PRKCI: variants seen among roughly 807,000 people sequenced by gnomAD.
The protein encoded by PRKCI is protein kinase C iota, also known as protein kinase C iota type.
A neutral mutation model predicts 84.0 loss-of-function variants in PRKCI; 43 were observed. The observed-to-expected ratio is 0.51, with a 90% CI of 0.40 to 0.66. The LOEUF (loss-of-function observed/expected upper bound fraction) is 0.66. PRKCI is among the 30% of genes least tolerant of loss of function. PRKCI has a pLI of 0.00. For synonymous variants in PRKCI, 216 were observed against 234.4 expected, an observed-to-expected ratio of 0.92 and a Z score of 0.72; for missense variants, 459 against 745.6, an observed-to-expected ratio of 0.62 and a Z score of 4.48.
intron 15 of PRKCI, 136 bp from the exon 16 acceptor site, chr3:170,297,163 GTACTT>G (rs1734704537): frequency 1.1e-5 from 7 of 645,944 alleles, no homozygotes; most frequent in Admixed American, 5.8e-5. Flanking sequence ...TTCTGGAGTT[GTACTT>G]TCTAGAAATA....
chr3:170,270,974 C>T (rs945467676), intron 6 of PRKCI, among the ~76,000 whole-genome samples: 7 of 151,430 alleles, frequency 4.6e-5, no homozygotes, highest in Admixed American at 2.0e-4. Flanking sequence ...AGATTACTGG[C>T]GAGGAAAGCA....
chr3:170,249,611 A>AGACGCTGTTTCTACAAAAAAAGAAAG (rs1428945062), intron 2 of PRKCI, among the ~76,000 whole-genome samples: 4 of 151,984 alleles, frequency 2.6e-5, no homozygotes, highest in African/African-American at 9.7e-5. Context: ...CAACATAGGG[A>AGACGCTGTTTCTACAAAAAAAGAAAG]GACGCTGTTT....
At chr3:170,232,005 C>T (rs929155630) in intron 1 of PRKCI, among the ~76,000 whole-genome samples, 4 of 151,670 alleles carry the variant, frequency 2.6e-5, no homozygotes, top group Non-Finnish European at 4.4e-5. Flanking sequence ...AAAAAAAACT[C>T]AACTGAAAAA....
At chr3:170,265,620 C>CT (rs111545487) in intron 4 of PRKCI, among the ~76,000 whole-genome samples, 5,012 of 142,326 alleles carry the variant, frequency 0.035, 128 homozygotes, top group African/African-American at 0.068. Context: ...CTTTCTTTTT[C>CT]TTTTTTTTTT....
intron 12 of PRKCI, among the ~76,000 whole-genome samples, chr3:170,284,919 A>T (rs1289557692): frequency 2.6e-5 from 4 of 152,200 alleles, no homozygotes; most frequent in Admixed American, 2.6e-4. Flanking sequence ...TTTGCATATG[A>T]CCTTCCAATT....
At chr3:170,223,673 TGACCATAAAGGTTGGA>T (rs1280612983) in intron 1 of PRKCI, among the ~76,000 whole-genome samples, 1 of 152,192 alleles carries the variant, frequency 6.6e-6, no homozygotes, top group African/African-American at 2.4e-5. Flanking sequence ...AATGTTAGTG[TGACCATAAAGGTTGGA>T]GACTGAGAAG....
At chr3:170,233,078 TG>T (rs1166764878) in intron 1 of PRKCI, among the ~76,000 whole-genome samples, 2 of 151,916 alleles carry the variant, frequency 1.3e-5, no homozygotes, top group African/African-American at 4.8e-5. Context: ...CAAAACATTT[TG>T]CCCAATGGTC....
Position 170,297,342 on chromosome 3 carries a change from A to T in PRKCI, c.1536A>T (p.Gly512=), listed in dbSNP as rs1214329019. ...KERLGCHPQT[G]FADIQGHPFF... is the part of the protein sequence containing the mutation. ...GATTGGGTTGTCATCCTCAAACAGG[A>T]TTTGCTGATATTCAGGGACACCCGT... Residue 512 remains glycine (G), a synonymous_variant, in exon 16 of 18, where the codon GGA becomes GGT. Coordinates refer to ENST00000295797, the MANE Select transcript of PRKCI (RefSeq NM_002740.6). 1.2e-6 allele frequency: 2 copies of T among 1,613,758 alleles called. No individual in the cohort carries two copies. Among genetic ancestry groups the T allele is most frequent in the Non-Finnish European group, 1.7e-6 (2 of 1,179,876 alleles).
chr3:170,292,817 G>A (rs546549089), intron 13 of PRKCI, among the ~76,000 whole-genome samples: 74 of 152,012 alleles, frequency 4.9e-4, no homozygotes, highest in African/African-American at 1.6e-3. Flanking sequence ...CGAGGCAGGC[G>A]GATCACGAGG....
chr3:170,285,504 TACA>T (rs1393086651), intron 12 of PRKCI, among the ~76,000 whole-genome samples: 1 of 152,218 alleles, frequency 6.6e-6, no homozygotes, highest in African/African-American at 2.4e-5. Context: ...CACATAGCAA[TACA>T]ACAACCAGTA....
intron 11 of PRKCI, 33 bp from the exon 12 acceptor site, chr3:170,284,428 G>A: frequency 6.7e-7 from 1 of 1,489,260 alleles, no homozygotes; most frequent in South Asian, 1.2e-5. Flanking sequence ...AAATATGGTT[G>A]AATCAAATGA....
At chr3:170,292,070 T>A in intron 13 of PRKCI, 129 bp downstream of exon 13, 1 of 707,136 alleles carries the variant, frequency 1.4e-6, no homozygotes, top group Admixed American at 2.4e-5. Context: ...TTGATCCTGT[T>A]AAAAACTACA....
In PRKCI at chr3:170,305,063, C is replaced by T. The variant is rs1250611792; in HGVS notation, c.*1936C>T. ...TGTTTATTTAATATGTTTCTCTTAACACCTGAAACTTGTTTTAAAACAAAA... is the reference window on the plus strand; with the variant it reads ...TGTTTATTTAATATGTTTCTCTTAATACCTGAAACTTGTTTTAAAACAAAA... On this transcript the variant is annotated 3_prime_UTR_variant, in exon 18 of 18. Transcript: ENST00000295797. 6.6e-6 allele frequency: 1 copy of T among 152,234 alleles called. No individual in the cohort carries two copies. Among genetic ancestry groups the T allele is most frequent in the Non-Finnish European group, 1.5e-5 (1 of 68,026 alleles). The allele number at this position is 152,234 out of a possible 1,614,324, so 9.4% of individuals were successfully genotyped here. A position where few individuals can be genotyped will look rare whatever the true frequency, so the allele number is the denominator to read the frequency against.
intron 7 of PRKCI, 94 bp downstream of exon 7, chr3:170,273,434 T>C: frequency 1.7e-6 from 2 of 1,174,480 alleles, no homozygotes; most frequent in East Asian, 4.7e-5. Flanking sequence ...TAAAAACATT[T>C]ACTTCTTCCC....
intron 2 of PRKCI, among the ~76,000 whole-genome samples, chr3:170,255,234 A>G (rs1437782026): frequency 6.6e-6 from 1 of 151,400 alleles, no homozygotes; most frequent in African/African-American, 2.4e-5. Flanking sequence ...CTAATTTTGT[A>G]TTTTTAGTGG....
At chr3:170,256,922 A>G (rs918201440) in intron 2 of PRKCI, among the ~76,000 whole-genome samples, 3 of 151,460 alleles carry the variant, frequency 2.0e-5, no homozygotes, top group East Asian at 1.9e-4. Flanking sequence ...TTAATTTTGT[A>G]TTGACCCCCT....
intron 2 of PRKCI, among the ~76,000 whole-genome samples, chr3:170,245,382 C>G (rs759522745): frequency 6.6e-6 from 1 of 151,984 alleles, no homozygotes; most frequent in Non-Finnish European, 1.5e-5. Flanking sequence ...GTAGGACGCT[C>G]GATTGGTCTC....
chr3:170,286,174 G>A (rs960239551), intron 12 of PRKCI, among the ~76,000 whole-genome samples: 13 of 151,844 alleles, frequency 8.6e-5, no homozygotes, highest in African/African-American at 2.9e-4. Context: ...TGATCCACCC[G>A]CCTCAGCCTC....
intron 2 of PRKCI, among the ~76,000 whole-genome samples, chr3:170,239,884 A>G (rs936458000): frequency 6.6e-6 from 1 of 152,152 alleles, no homozygotes; most frequent in African/African-American, 2.4e-5. Flanking sequence ...GCGGTGGCTC[A>G]TGCTTGTAAT....
Sources: allele counts gnomAD v4.1 joint callset (sites outside exome capture counted in the v4.1 genomes callset), GRCh38; gene constraint gnomAD v4.1.1; transcripts MANE v1.5; gene names NCBI Gene and HGNC (gene_info 2026-07-23, HGNC 2026-07-21).